The following ASTN2 variants were observed in gnomAD, a reference collection of about 807,000 sequenced individuals.
ASTN2 encodes the protein astrotactin-2.
ASTN2 carries 54 observed loss-of-function variants against 139.8 expected under a neutral mutation model. The observed-to-expected ratio is 0.39, with a 90% CI of 0.31 to 0.48. The LOEUF (loss-of-function observed/expected upper bound fraction) is 0.48. Ranked by LOEUF, ASTN2 falls within the 20% of genes least tolerant of loss-of-function variation. The pLI is 0.95. For missense variants in ASTN2, 1,565 were observed against 1,725.1 expected (o/e 0.91, Z 1.64); for synonymous variants, 756 against 719.5 (o/e 1.05, Z -0.81).
chr9:116,503,423 T>C (rs1339545723), intron 19 of ASTN2, among the ~76,000 whole-genome samples: 1 of 152,148 alleles, frequency 6.6e-6, no homozygotes, highest in Non-Finnish European at 1.5e-5. Flanking sequence ...ACTCCCTTGC[T>C]TCCTCATTTA....
At chr9:117,317,618 T>C (rs1012043714) in intron 1 of ASTN2, among the ~76,000 whole-genome samples, 15 of 152,268 alleles carry the variant, frequency 9.9e-5, no homozygotes, top group Admixed American at 9.8e-4. Flanking sequence ...CCAATCCCTA[T>C]GATATCAAGA....
rs144474555 is a variant in ASTN2 at position 117,042,584 on chromosome 9, A to T, written c.1277-2619T>A. ...ATAACTACAGAGAAAAATGAACATGATTATCTCTTATTCGAGTGCTGCAAG... is the reference window on the plus strand; with the variant it reads ...ATAACTACAGAGAAAAATGAACATGTTTATCTCTTATTCGAGTGCTGCAAG... On this transcript the variant is annotated intron_variant, in intron 5 of 22. Transcript: ENST00000313400. 6.8e-3 allele frequency among the ~76,000 whole-genome samples: 1,038 copies of T among 152,226 alleles called. 12 individuals carry two copies. The highest frequency in any genetic ancestry group is 0.024 in the African/African-American group (989 of 41,542).
intron 1 of ASTN2, among the ~76,000 whole-genome samples, chr9:117,363,501 T>C (rs929960942): frequency 1.1e-4 from 16 of 152,112 alleles, no homozygotes; most frequent in Non-Finnish European, 2.4e-4. Context: ...CATTCTAACC[T>C]CCCGCCTCCC....
chr9:117,105,167 T>G (rs1036175218), intron 4 of ASTN2, among the ~76,000 whole-genome samples: 2 of 152,060 alleles, frequency 1.3e-5, no homozygotes, highest in African/African-American at 4.8e-5. Flanking sequence ...CCCCCAAATC[T>G]AGGCTGGCCT....
At chr9:116,996,614 G>C (rs1415924931) in intron 7 of ASTN2, among the ~76,000 whole-genome samples, 1 of 151,992 alleles carries the variant, frequency 6.6e-6, no homozygotes, top group Non-Finnish European at 1.5e-5. Context: ...GGCTGGATGA[G>C]GAACAGATTG....
At chr9:117,387,153 C>G (rs1830421792) in intron 1 of ASTN2, among the ~76,000 whole-genome samples, 1 of 152,122 alleles carries the variant, frequency 6.6e-6, no homozygotes, top group Non-Finnish European at 1.5e-5. Flanking sequence ...GAGATTCATC[C>G]CCAGCTTCTA....
chr9:117,154,657 T>C (rs1277602012), intron 3 of ASTN2, among the ~76,000 whole-genome samples: 4 of 152,054 alleles, frequency 2.6e-5, no homozygotes, highest in East Asian at 3.9e-4. Flanking sequence ...AATTAAACAG[T>C]ATACATACAA....
In ASTN2 at chr9:116,901,061, C is replaced by T. The variant is rs981503799; in HGVS notation, c.1890-37328G>A. On this transcript the variant is annotated intron_variant, in intron 10 of 22. Transcript: ENST00000313400. ...TGTGGTTGCAATTTTACCTAAATTCCGACTCCAAATCCTATTTCCGGCTAC... is the reference window on the plus strand; with the variant it reads ...TGTGGTTGCAATTTTACCTAAATTCTGACTCCAAATCCTATTTCCGGCTAC... Among the ~76,000 whole-genome samples, 20 of 151,286 alleles carry T rather than the reference C, an allele frequency of 1.3e-4. 1 individual carries two copies. Among genetic ancestry groups the T allele is most frequent in the Admixed American group, 1.1e-3 (17 of 15,086 alleles).
chr9:116,455,032 T>TATA (rs1394449166), intron 20 of ASTN2, among the ~76,000 whole-genome samples: 1 of 150,326 alleles, frequency 6.7e-6, no homozygotes, highest in South Asian at 2.2e-4. Flanking sequence ...GAAATTAAAG[T>TATA]ATAATAATAA....
At chr9:116,609,900 T>C (rs1211619814) in intron 19 of ASTN2, among the ~76,000 whole-genome samples, 2 of 152,144 alleles carry the variant, frequency 1.3e-5, no homozygotes, top group African/African-American at 4.8e-5. Flanking sequence ...AAGGTAACTG[T>C]GATATGTTAG....
intron 2 of ASTN2, among the ~76,000 whole-genome samples, chr9:117,290,161 T>A (rs1200867400): frequency 6.6e-6 from 1 of 152,120 alleles, no homozygotes; most frequent in Non-Finnish European, 1.5e-5. Context: ...AGCCTCCTCA[T>A]ATGTATGTTG....
rs1209735563 is a variant in ASTN2 at position 117,414,097 on chromosome 9, G to C, written c.442+400C>G. Among the ~76,000 whole-genome samples, 3 of 151,944 alleles carry C rather than the reference G, an allele frequency of 2.0e-5. No individual in the cohort carries two copies. The highest frequency in any genetic ancestry group is 6.5e-5 in the Admixed American group (1 of 15,272). On this transcript the variant is annotated intron_variant, in intron 1 of 22. Coordinates refer to ENST00000313400, the MANE Select transcript of ASTN2 (RefSeq NM_001365068.1). This position sits in a 1 kb window ranked among gnomAD's most constrained non-coding sequence, Gnocchi z 4.2. ...GAGAGCGAGGGGGCGGTGACGGCGG[G>C]TGGCCAGTGACGGTACCCGGAGAAG...
At chr9:116,984,396 A>G (rs1836615983) in intron 7 of ASTN2, among the ~76,000 whole-genome samples, 1 of 152,228 alleles carries the variant, frequency 6.6e-6, no homozygotes, top group African/African-American at 2.4e-5. Flanking sequence ...GCCTTTCATT[A>G]CTGGCCCAGC....
chr9:116,923,026 A>G (rs1205404968), intron 10 of ASTN2, among the ~76,000 whole-genome samples: 1 of 152,212 alleles, frequency 6.6e-6, no homozygotes, highest in East Asian at 1.9e-4. Context: ...TCTTACCTAT[A>G]TCTCATAACA....
Position 117,414,783 on chromosome 9 carries a change from G to T in ASTN2, c.156C>A (p.Thr52=). The T allele has an allele frequency of 2.1e-5, 26 of 1,256,206 alleles. No individual in the cohort carries two copies. The highest frequency in any genetic ancestry group is 2.5e-5 in the Non-Finnish European group (25 of 999,796). The allele number at this position is 1,256,206 out of a possible 1,614,324, so 77.8% of individuals were successfully genotyped here. A position where few individuals can be genotyped will look rare whatever the true frequency, so the allele number is the denominator to read the frequency against. Residue 52 remains threonine, a synonymous_variant, in exon 1 of 23, where the codon ACC becomes ACA. Coordinates refer to ENST00000313400, the MANE Select transcript of ASTN2 (RefSeq NM_001365068.1). The surrounding 1 kb of genome is among the most constrained non-coding windows in gnomAD (Gnocchi z 4.2). The part of the protein sequence containing the change: ...LPPPPLLAGA[T]AAASREPDSP... The stretch of plus-strand genomic sequence containing the variant: ...TGTCGGGCTCCCGCGAGGCAGCGGC[G>T]GTGGCGCCGGCCAGCAGCGGCGGCG...
intron 2 of ASTN2, among the ~76,000 whole-genome samples, chr9:117,250,318 G>A (rs1302465700): frequency 1.3e-5 from 2 of 152,146 alleles, no homozygotes; most frequent in African/African-American, 4.8e-5. Flanking sequence ...TACTTCACAA[G>A]TTAGTGTTGA....
chr9:117,175,926 C>T lies in ASTN2; in HGVS notation c.1016-34448G>A, dbSNP rs546264712. On this transcript the variant is annotated intron_variant, in intron 3 of 22. Transcript: ENST00000313400. ...AATGATTTTCTTAACAAAACTAAAA[C>T]ATAAGTCATAGATTGGAAGAAGATA... Among the ~76,000 whole-genome samples the T allele has an allele frequency of 2.6e-3, 394 of 151,258 alleles. 3 individuals are homozygous for T. Among genetic ancestry groups the T allele is most frequent in the Middle Eastern group, 0.01 (3 of 292 alleles).
chr9:116,962,889 T>C (rs1448195479), intron 10 of ASTN2, among the ~76,000 whole-genome samples: 1 of 152,166 alleles, frequency 6.6e-6, no homozygotes. Context: ...TGTTAAGCAA[T>C]TTAGTAGTAA....
At chr9:116,649,039 A>C (rs1857758586) in intron 17 of ASTN2, among the ~76,000 whole-genome samples, 1 of 151,884 alleles carries the variant, frequency 6.6e-6, no homozygotes, top group African/African-American at 2.4e-5. Flanking sequence ...GTCTCAAACA[A>C]ACAAACAAAA....
Sources: allele counts gnomAD v4.1 joint callset (sites outside exome capture counted in the v4.1 genomes callset), GRCh38; gene constraint gnomAD v4.1.1; non-coding constraint Gnocchi (gnomAD v3.1); transcripts MANE v1.5; gene names NCBI Gene and HGNC (gene_info 2026-07-23, HGNC 2026-07-21).